CNTNAP2: variants seen among roughly 807,000 people sequenced by gnomAD.
CNTNAP2 encodes contactin-associated protein-like 2.
CNTNAP2 carries 98 observed loss-of-function variants against 155.2 expected under a neutral mutation model. The observed-to-expected ratio is 0.63, with a 90% CI of 0.54 to 0.75. The LOEUF (loss-of-function observed/expected upper bound fraction) is 0.75. CNTNAP2 is among the 30% of genes least tolerant of loss of function. CNTNAP2 has a pLI of 0.00. For synonymous variants in CNTNAP2, 651 were observed against 631.2 expected (o/e 1.03, Z -0.47); for missense variants, 1,727 against 1,688.1 (o/e 1.02, Z -0.40).
intron 13 of CNTNAP2, among the ~76,000 whole-genome samples, chr7:147,803,329 G>A (rs553203071): frequency 1.6e-4 from 24 of 152,266 alleles, no homozygotes; most frequent in East Asian, 7.7e-4. Flanking sequence ...TCCATGAAGC[G>A]CAACCCTGTG....
intron 4 of CNTNAP2, among the ~76,000 whole-genome samples, chr7:147,050,393 C>A (rs1344393128): frequency 6.6e-6 from 1 of 152,102 alleles, no homozygotes; most frequent in African/African-American, 2.4e-5. Context: ...AAAGTAAGGA[C>A]GGCACCTTGG....
At chr7:147,445,332 A>G (rs1033515294) in intron 10 of CNTNAP2, among the ~76,000 whole-genome samples, 1 of 152,214 alleles carries the variant, frequency 6.6e-6, no homozygotes, top group African/African-American at 2.4e-5. Flanking sequence ...CAGTGAGACA[A>G]TAATGCTAGA....
chr7:147,324,832 A>C (rs1795422366), intron 9 of CNTNAP2, among the ~76,000 whole-genome samples: 1 of 151,902 alleles, frequency 6.6e-6, no homozygotes, highest in Admixed American at 6.6e-5. Context: ...TTGCCAGTGA[A>C]GACCTAACTG....
intron 13 of CNTNAP2, among the ~76,000 whole-genome samples, chr7:147,764,981 G>A (rs1797361869): frequency 6.6e-6 from 1 of 152,132 alleles, no homozygotes; most frequent in Admixed American, 6.6e-5. Flanking sequence ...ACTTATTTCT[G>A]ATAACTTCAT....
intron 3 of CNTNAP2, among the ~76,000 whole-genome samples, chr7:146,875,830 G>A (rs1795409485): frequency 6.8e-6 from 1 of 146,322 alleles, no homozygotes; most frequent in South Asian, 2.2e-4. Flanking sequence ...AGGGTCACTT[G>A]AGGCCAGTAG....
intron 1 of CNTNAP2, among the ~76,000 whole-genome samples, chr7:146,268,698 T>C (rs1383942976): frequency 6.6e-6 from 1 of 152,250 alleles, no homozygotes; most frequent in Non-Finnish European, 1.5e-5. Context: ...ATAATTCATT[T>C]AGTTTTTTCT....
At chr7:146,797,066 G>T (rs1392058572) in intron 2 of CNTNAP2, among the ~76,000 whole-genome samples, 1 of 152,138 alleles carries the variant, frequency 6.6e-6, no homozygotes, top group African/African-American at 2.4e-5. Context: ...AACCCGGGAG[G>T]TGGAGCTTGC....
At chr7:147,133,794 T>C (rs1168274788) in intron 8 of CNTNAP2, among the ~76,000 whole-genome samples, 1 of 152,086 alleles carries the variant, frequency 6.6e-6, no homozygotes, top group Non-Finnish European at 1.5e-5. Flanking sequence ...ATGTCAGAGA[T>C]GTGCCTAAAT....
At chr7:147,420,792 T>C (rs1051090866) in intron 10 of CNTNAP2, among the ~76,000 whole-genome samples, 1 of 152,220 alleles carries the variant, frequency 6.6e-6, no homozygotes. Flanking sequence ...ATTAATAATT[T>C]CTGAAAGTAA....
chr7:147,306,378 A>G (rs1483384368), intron 9 of CNTNAP2, among the ~76,000 whole-genome samples: 2 of 152,208 alleles, frequency 1.3e-5, no homozygotes, highest in African/African-American at 2.4e-5. Flanking sequence ...TGCATAGTGG[A>G]TAAAAATGTG....
chr7:147,250,089 T>C (rs1804161781), intron 8 of CNTNAP2, among the ~76,000 whole-genome samples: 2 of 152,290 alleles, frequency 1.3e-5, no homozygotes, highest in Middle Eastern at 6.8e-3. Flanking sequence ...CCAATTCTGA[T>C]TGCGTGGATC....
intron 1 of CNTNAP2, among the ~76,000 whole-genome samples, chr7:146,182,350 A>G (rs1481873578): frequency 2.6e-5 from 4 of 152,112 alleles, no homozygotes; most frequent in Non-Finnish European, 5.9e-5. Context: ...ATGGCTATGC[A>G]ATTGGGAAGC....
intron 1 of CNTNAP2, among the ~76,000 whole-genome samples, chr7:146,576,049 C>T (rs1798519389): frequency 6.6e-6 from 1 of 152,172 alleles, no homozygotes; most frequent in Non-Finnish European, 1.5e-5. Flanking sequence ...AAGCAACCAA[C>T]ATCTGTTTGT....
intron 20 of CNTNAP2, among the ~76,000 whole-genome samples, chr7:148,253,051 C>CAGA (rs1796395903): frequency 1.1e-5 from 1 of 91,156 alleles, no homozygotes; most frequent in Non-Finnish European, 2.2e-5. Context: ...GATAGATAGA[C>CAGA]AGATGATAGA....
chr7:147,923,591 G>A (rs1183171556), intron 14 of CNTNAP2, among the ~76,000 whole-genome samples: 1 of 151,804 alleles, frequency 6.6e-6, no homozygotes, highest in Non-Finnish European at 1.5e-5. Context: ...ACAGCTCACT[G>A]CAGCCTCAAT....
intron 1 of CNTNAP2, among the ~76,000 whole-genome samples, chr7:146,654,941 T>C (rs979192305): frequency 2.0e-5 from 3 of 152,138 alleles, no homozygotes; most frequent in Non-Finnish European, 4.4e-5. Flanking sequence ...TTAAATACTC[T>C]GCTATAATCT....
chr7:146,934,672 A>G lies in CNTNAP2; in HGVS notation c.402+94768A>G, dbSNP rs557355958. ...TTCGCATTTATAATTTTGAAAAGAA[A>G]AAAATGGACAATGGTATTTTTATAC... is the stretch of plus-strand genomic sequence containing the variant. On this transcript the variant is annotated intron_variant, in intron 3 of 23. Coordinates refer to ENST00000361727, the MANE Select transcript of CNTNAP2 (RefSeq NM_014141.6). 2.0e-5 allele frequency among the ~76,000 whole-genome samples: 3 copies of G among 152,362 alleles called. No homozygotes were observed. In the East Asian group the frequency reaches 5.8e-4, roughly 29 times the overall value.
At chr7:147,480,128 A>G (rs541952167) in intron 10 of CNTNAP2, among the ~76,000 whole-genome samples, 1 of 152,320 alleles carries the variant, frequency 6.6e-6, no homozygotes, top group South Asian at 2.1e-4. Flanking sequence ...ACGAGTATGA[A>G]AAACAGTATT....
intron 1 of CNTNAP2, among the ~76,000 whole-genome samples, chr7:146,671,421 T>G (rs1800302201): frequency 1.1e-5 from 1 of 89,258 alleles, no homozygotes; most frequent in African/African-American, 3.0e-5. Flanking sequence ...TCTCTCTTTT[T>G]TTGTCACTCA....
Sources: allele counts gnomAD v4.1 joint callset (sites outside exome capture counted in the v4.1 genomes callset), GRCh38; gene constraint gnomAD v4.1.1; transcripts MANE v1.5; gene names NCBI Gene and HGNC (gene_info 2026-07-23, HGNC 2026-07-21).